Variants in CTNNAL1 observed in about 807,000 individuals in gnomAD.
CTNNAL1 encodes catenin alpha like 1.
A neutral mutation model predicts 93.6 loss-of-function variants in CTNNAL1; 69 were observed. The ratio of observed to expected loss-of-function variants is 0.74; its 90% CI spans 0.61 to 0.90. The LOEUF is 0.90. Ranked by LOEUF, CTNNAL1 falls within the 40% of genes least tolerant of loss-of-function variation. The pLI is 0.00. For synonymous variants in CTNNAL1, 286 were observed against 305.4 expected (o/e 0.94, Z 0.66); for missense variants, 836 against 862.0 (o/e 0.97, Z 0.38).
At chr9:108,962,390 T>C (rs1266352125) in intron 11 of CTNNAL1, among the ~76,000 whole-genome samples, 1 of 152,234 alleles carries the variant, frequency 6.6e-6, no homozygotes, top group Non-Finnish European at 1.5e-5. Context: ...CTAGCTATTT[T>C]TTTTAAAGAG....
At chr9:108,972,864 G>GGGCTCCCT in intron 8 of CTNNAL1, 31 bp from the exon 9 acceptor site, 1 of 142,590 alleles carries the variant, frequency 7.0e-6, no homozygotes, top group Non-Finnish European at 1.0e-5. Context: ...GGGGGGGTGG[G>GGGCTCCCT]AGGGTGGAGA....
intron 2 of CTNNAL1, among the ~76,000 whole-genome samples, chr9:108,994,448 A>G (rs1831941259): frequency 6.6e-6 from 1 of 152,244 alleles, no homozygotes; most frequent in South Asian, 2.1e-4. Context: ...GAGTAAAAAA[A>G]TGGCCTCAAA....
chr9:109,001,172 C>CA (rs757020475), intron 1 of CTNNAL1, among the ~76,000 whole-genome samples: 3,924 of 56,324 alleles, frequency 0.07, 399 homozygotes, highest in African/African-American at 0.24. Context: ...ACTCCATCTC[C>CA]AAAAAAAAAA....
At chr9:108,977,200 T>C (rs1831292077) in intron 7 of CTNNAL1, 152 bp from the exon 8 acceptor site, 1 of 396,362 alleles carries the variant, frequency 2.5e-6, no homozygotes, top group Admixed American at 4.5e-5. Flanking sequence ...TAAGTTACAG[T>C]GGAAAATAAA....
In CTNNAL1 at chr9:108,972,841, T is replaced by A; in HGVS notation, c.1189-8A>T. 1 of 446,352 alleles carries A rather than the reference T, an allele frequency of 2.2e-6. No individual in the cohort carries two copies. Among genetic ancestry groups the A allele is most frequent in the Middle Eastern group, 5.3e-4 (1 of 1,872 alleles). 27.6% of individuals were successfully genotyped at this position (446,352 alleles called of 1,614,324 possible). On this transcript the variant is annotated splice_region_variant and splice_polypyrimidine_tract_variant and intron_variant, in intron 8 of 18. Transcript: ENST00000325551. ...TGTCGCTGTACTATGAAGCTGCAGA[T>A]GTGTGTGTGGGTGGGGGGGTGGGAG...
chr9:108,965,326 CAA>C, intron 11 of CTNNAL1, 50 bp downstream of exon 11: 1 of 1,306,866 alleles, frequency 7.7e-7, no homozygotes, highest in Non-Finnish European at 9.9e-7. Context: ...AAAAAACTAA[CAA>C]GAGTTACATT....
intron 4 of CTNNAL1, among the ~76,000 whole-genome samples, chr9:108,985,802 C>T (rs1050924859): frequency 3.3e-5 from 5 of 152,110 alleles, no homozygotes; most frequent in East Asian, 3.9e-4. Flanking sequence ...AGTGTGTATG[C>T]CATACCTGAC....
chr9:108,989,093 C>A (rs551153052), intron 4 of CTNNAL1, among the ~76,000 whole-genome samples: 1 of 152,236 alleles, frequency 6.6e-6, no homozygotes, highest in African/African-American at 2.4e-5. Flanking sequence ...AATGTTGGAT[C>A]ACAATATTAC....
intron 1 of CTNNAL1, among the ~76,000 whole-genome samples, chr9:109,011,895 T>C (rs548381681): frequency 6.6e-6 from 1 of 152,352 alleles, no homozygotes; most frequent in East Asian, 1.9e-4. Flanking sequence ...AAAAAATGGA[T>C]AAAATACTAT....
chr9:108,974,778 G>A (rs1320669436), intron 8 of CTNNAL1, among the ~76,000 whole-genome samples: 1 of 152,186 alleles, frequency 6.6e-6, no homozygotes, highest in Non-Finnish European at 1.5e-5. Flanking sequence ...AGTGAGCCAT[G>A]TTCACACCAT....
chr9:108,983,660 A>C (rs1219087135), intron 5 of CTNNAL1, among the ~76,000 whole-genome samples: 1 of 152,262 alleles, frequency 6.6e-6, no homozygotes, highest in African/African-American at 2.4e-5. Flanking sequence ...AAATGAGATG[A>C]TATATGATCA....
chr9:108,959,175 C>T (rs188176808), intron 11 of CTNNAL1, among the ~76,000 whole-genome samples: 32 of 149,628 alleles, frequency 2.1e-4, no homozygotes, highest in African/African-American at 4.4e-4. Context: ...CTGGCTAACA[C>T]GGTGAAACCC....
At chr9:109,003,178 G>T (rs1482642511) in intron 1 of CTNNAL1, among the ~76,000 whole-genome samples, 2 of 152,148 alleles carry the variant, frequency 1.3e-5, no homozygotes, top group East Asian at 3.9e-4. Context: ...GTAAACAACA[G>T]ATCTCCCAAG....
chr9:108,982,279 T>C (rs1191370149), intron 6 of CTNNAL1, among the ~76,000 whole-genome samples: 2 of 152,210 alleles, frequency 1.3e-5, no homozygotes, highest in African/African-American at 2.4e-5. Flanking sequence ...ATGGAAATAA[T>C]AGCAATAGTT....
chr9:108,969,935 G>A (rs555636650), intron 10 of CTNNAL1, among the ~76,000 whole-genome samples: 1 of 152,312 alleles, frequency 6.6e-6, no homozygotes, highest in East Asian at 1.9e-4. Context: ...GCCTCAGAAA[G>A]TGCTGGGTTA....
At chr9:108,967,899 T>G (rs1037356125) in intron 10 of CTNNAL1, among the ~76,000 whole-genome samples, 4 of 152,226 alleles carry the variant, frequency 2.6e-5, no homozygotes, top group African/African-American at 7.2e-5. Flanking sequence ...CCATGTTAGC[T>G]AATATATTAA....
Position 108,974,255 on chromosome 9 carries a change from T to C in CTNNAL1, c.1189-1422A>G, listed in dbSNP as rs189069220. On this transcript the variant is annotated intron_variant, in intron 8 of 18. Transcript: ENST00000325551. Reference sequence around the variant, plus strand: ...GAAAATGAAGCCTGTGGAAAGCCACTCAGTTTATCACAAGGAGATCATCTT... The same window carrying C: ...GAAAATGAAGCCTGTGGAAAGCCACCCAGTTTATCACAAGGAGATCATCTT... Among the ~76,000 whole-genome samples the C allele has an allele frequency of 4.7e-4, 72 of 152,332 alleles. 1 individual carries two copies. The highest frequency in any genetic ancestry group is 4.1e-3 in the Admixed American group (62 of 15,298).
chr9:108,957,996 T>C (rs1408439373), intron 11 of CTNNAL1, among the ~76,000 whole-genome samples: 1 of 148,674 alleles, frequency 6.7e-6, no homozygotes, highest in East Asian at 2.0e-4. Flanking sequence ...TGCATGCCTG[T>C]AGTCTGTTCT....
chr9:108,988,382 C>A (rs1831680134), intron 4 of CTNNAL1, among the ~76,000 whole-genome samples: 1 of 151,906 alleles, frequency 6.6e-6, no homozygotes, highest in African/African-American at 2.4e-5. Flanking sequence ...CCATGCCCAG[C>A]CTCACCACTG....
Sources: allele counts gnomAD v4.1 joint callset (sites outside exome capture counted in the v4.1 genomes callset), GRCh38; gene constraint gnomAD v4.1.1; transcripts MANE v1.5; gene names NCBI Gene and HGNC (gene_info 2026-07-23, HGNC 2026-07-21).